Variants in GABRG3 observed in about 807,000 individuals in gnomAD.
GABRG3 encodes the protein gamma-aminobutyric acid receptor subunit gamma-3.
A neutral mutation model predicts 48.8 loss-of-function variants in GABRG3; 25 were observed. The ratio of observed to expected loss-of-function variants is 0.51; its 90% CI spans 0.37 to 0.72. The LOEUF is 0.72. Among genes scored for constraint, GABRG3 ranks in the 30% least tolerant of loss-of-function variants. The pLI is 0.00. For synonymous variants in GABRG3, 227 were observed against 217.6 expected (o/e 1.04, Z -0.38); for missense variants, 394 against 577.9 (o/e 0.68, Z 3.26).
intron 5 of GABRG3, among the ~76,000 whole-genome samples, chr15:27,378,608 A>G (rs530976742): frequency 6.6e-6 from 1 of 152,328 alleles, no homozygotes; most frequent in South Asian, 2.1e-4. Flanking sequence ...CATGCATTTT[A>G]AAGGCTCAAG....
At chr15:27,193,099 G>A (rs1167560242) in intron 3 of GABRG3, among the ~76,000 whole-genome samples, 2 of 151,928 alleles carry the variant, frequency 1.3e-5, no homozygotes, top group South Asian at 2.1e-4. Context: ...AGGAGTATCC[G>A]GCCGTGTGAG....
At chr15:27,215,470 C>A (rs201039527) in intron 3 of GABRG3, among the ~76,000 whole-genome samples, 2 of 152,208 alleles carry the variant, frequency 1.3e-5, no homozygotes, top group Admixed American at 1.3e-4. Context: ...TGCTACCCTG[C>A]AGTTACACTG....
chr15:27,384,437 A>G lies in GABRG3; in HGVS notation c.574+55549A>G, dbSNP rs887423273. ...GCTGAAAAAGTAAGAGAGCATTTTA[A>G]TAGAAGGACTTTTGAAAACTACTAA... is the stretch of plus-strand genomic sequence containing the variant. On this transcript the variant is annotated intron_variant, in intron 5 of 9. Coordinates refer to ENST00000615808, the MANE Select transcript of GABRG3 (RefSeq NM_033223.5). Among the ~76,000 whole-genome samples, 5 of 152,190 alleles carry G rather than the reference A, an allele frequency of 3.3e-5. 1 individual carries two copies. Among genetic ancestry groups the G allele is most frequent in the Admixed American group, 6.5e-5 (1 of 15,278 alleles).
At chr15:26,995,118 TA>T (rs1180291975) in intron 2 of GABRG3, among the ~76,000 whole-genome samples, 1 of 152,122 alleles carries the variant, frequency 6.6e-6, no homozygotes, top group Non-Finnish European at 1.5e-5. Context: ...TTCTTTAGGT[TA>T]TTTTAGGCTG....
At chr15:27,035,808 T>G (rs1896167330) in intron 3 of GABRG3, among the ~76,000 whole-genome samples, 1 of 152,176 alleles carries the variant, frequency 6.6e-6, no homozygotes, top group South Asian at 2.1e-4. Context: ...TGGGCAGCAC[T>G]GTGGAGAATG....
At chr15:27,006,116 A>G (rs1895579074) in intron 2 of GABRG3, among the ~76,000 whole-genome samples, 1 of 152,086 alleles carries the variant, frequency 6.6e-6, no homozygotes, top group African/African-American at 2.4e-5. Context: ...ATCTAGACAT[A>G]TATTTTCTCA....
chr15:27,055,006 GTTTTTT>G (rs150102149), intron 3 of GABRG3, among the ~76,000 whole-genome samples: 16 of 141,148 alleles, frequency 1.1e-4, no homozygotes, highest in Non-Finnish European at 1.5e-4. Context: ...GCCAAGACCT[GTTTTTT>G]TTTTTTTTTT....
At chr15:27,221,083 GATTA>G (rs1889439135) in intron 3 of GABRG3, among the ~76,000 whole-genome samples, 1 of 151,944 alleles carries the variant, frequency 6.6e-6, no homozygotes, top group Non-Finnish European at 1.5e-5. Flanking sequence ...AAGCTTATAG[GATTA>G]ATTAAGGGGA....
In GABRG3 at chr15:27,026,929, C is replaced by T. The variant is rs537254060; in HGVS notation, c.270+108C>T. ...TTATCATGCCGGTTTAAAACTCACA[C>T]TGACTTCTTAAATCTGTAACACTTA... On this transcript the variant is annotated intron_variant, in intron 3 of 9. Transcript: ENST00000615808. 1.0e-5 allele frequency: 7 copies of T among 678,882 alleles called. No homozygotes were observed. The East Asian group carries it at 1.7e-4, about 17-fold the overall frequency. 42.1% of individuals were successfully genotyped at this position (678,882 alleles called of 1,614,324 possible).
chr15:27,403,942 C>T (rs909516048), intron 5 of GABRG3, among the ~76,000 whole-genome samples: 1 of 133,380 alleles, frequency 7.5e-6, no homozygotes, highest in Non-Finnish European at 1.6e-5. Flanking sequence ...AAAAAAAAAA[C>T]CGGGCTTGGT....
chr15:27,334,207 T>C (rs1382837897), intron 5 of GABRG3, among the ~76,000 whole-genome samples: 2 of 152,168 alleles, frequency 1.3e-5, no homozygotes, highest in African/African-American at 4.8e-5. Flanking sequence ...ACTAAAAAAT[T>C]AATGACAAAA....
At chr15:27,102,390 G>A (rs571636082) in intron 3 of GABRG3, among the ~76,000 whole-genome samples, 116 of 152,292 alleles carry the variant, frequency 7.6e-4, no homozygotes, top group African/African-American at 2.7e-3. Context: ...AACTGATTAG[G>A]AGGCCTATTC....
chr15:27,474,783 C>T (rs1221085247), intron 5 of GABRG3, among the ~76,000 whole-genome samples: 1 of 152,064 alleles, frequency 6.6e-6, no homozygotes, highest in Non-Finnish European at 1.5e-5. Context: ...AAGGTCAAGA[C>T]AATAAGCAGT....
intron 5 of GABRG3, among the ~76,000 whole-genome samples, chr15:27,441,512 G>C (rs1353350097): frequency 2.0e-5 from 3 of 152,152 alleles, no homozygotes; most frequent in African/African-American, 7.2e-5. Context: ...CCAACGCCTA[G>C]TCCCAAGAGG....
chr15:26,984,562 T>C (rs1895116596), intron 2 of GABRG3, among the ~76,000 whole-genome samples: 1 of 152,204 alleles, frequency 6.6e-6, no homozygotes, highest in African/African-American at 2.4e-5. Context: ...CCCTTCTTTA[T>C]CCATCCTTTT....
intron 3 of GABRG3, among the ~76,000 whole-genome samples, chr15:27,267,707 C>G (rs567737483): frequency 8.5e-5 from 13 of 152,214 alleles, no homozygotes; most frequent in African/African-American, 2.9e-4. Flanking sequence ...TCTTCTATTT[C>G]TAGTTTACTG....
chr15:27,306,116 A>C (rs552573226), intron 3 of GABRG3, among the ~76,000 whole-genome samples: 1 of 125,870 alleles, frequency 7.9e-6, no homozygotes, highest in Non-Finnish European at 1.6e-5. Flanking sequence ...AACATATATA[A>C]TATAAACCTA....
At chr15:27,186,769 AT>A (rs1193278213) in intron 3 of GABRG3, among the ~76,000 whole-genome samples, 72 of 152,114 alleles carry the variant, frequency 4.7e-4, no homozygotes, top group Non-Finnish European at 3.2e-4. Context: ...GATGTTGGGC[AT>A]TTTTTCACGT....
chr15:27,228,335 G>A (rs1889689702), intron 3 of GABRG3, among the ~76,000 whole-genome samples: 1 of 152,184 alleles, frequency 6.6e-6, no homozygotes, highest in Admixed American at 6.5e-5. Context: ...CTGTTCCTGT[G>A]CTAGTTTGCT....
Sources: allele counts gnomAD v4.1 joint callset (sites outside exome capture counted in the v4.1 genomes callset), GRCh38; gene constraint gnomAD v4.1.1; transcripts MANE v1.5; gene names NCBI Gene and HGNC (gene_info 2026-07-23, HGNC 2026-07-21).